The following CEP19 variants were observed in gnomAD, a reference collection of about 807,000 sequenced individuals.
CEP19 encodes centrosomal protein 19.
Under a neutral mutation model 17.5 loss-of-function variants are expected in CEP19, and 14 were observed. That is an observed-to-expected ratio of 0.80 (90% confidence interval 0.53 to 1.25). The LOEUF is 1.25. Among genes scored for constraint, CEP19 ranks in the 50% most tolerant of loss-of-function variants. The pLI, the probability that CEP19 is intolerant of heterozygous loss-of-function variation, is 0.00. For synonymous variants in CEP19, 59 were observed against 65.5 expected (o/e 0.90, Z 0.48); for missense variants, 193 against 192.0 (o/e 1.01, Z -0.03).
In CEP19 at chr3:196,712,129, C is replaced by A. The variant is rs1269735143; in HGVS notation, c.-271G>T. On this transcript the variant is annotated 5_prime_UTR_variant, in exon 1 of 3. Transcript: ENST00000409690. ...TGAACTCCCCGGCGGGAGGCCCGAA[C>A]CCTCAAACACCGGGAAGCGGAGGTG... is the stretch of plus-strand genomic sequence containing the variant. 7 of 592,140 alleles carry A rather than the reference C, an allele frequency of 1.2e-5. No homozygotes were observed. Among genetic ancestry groups the A allele is most frequent in the Admixed American group, 8.5e-5 (3 of 35,374 alleles). 36.7% of individuals were successfully genotyped at this position (592,140 alleles called of 1,614,324 possible).
At chr3:196,711,784 C>T (rs891954525) in intron 1 of CEP19, 145 bp downstream of exon 1, 1 of 647,474 alleles carries the variant, frequency 1.5e-6, no homozygotes, top group Non-Finnish European at 2.9e-6. Context: ...TCTTCCTGGA[C>T]ACGAATACTC....
In CEP19 at chr3:196,706,775, C is replaced by T. The variant is rs1711530848; in HGVS notation, c.*776G>A. ...ATTGTTTCTTGTCCCTTTACTACTT[C>T]CCCTCTCCTTCTTTTCAGTTGCTCT... On this transcript the variant is annotated 3_prime_UTR_variant, in exon 3 of 3. Coordinates refer to ENST00000409690, the MANE Select transcript of CEP19 (RefSeq NM_032898.5). The T allele has an allele frequency of 7.3e-6, 1 of 136,188 alleles. No homozygotes were observed. Among genetic ancestry groups the T allele is most frequent in the Non-Finnish European group, 1.7e-5 (1 of 60,390 alleles). The allele number at this position is 136,188 out of a possible 1,614,324, so 8.4% of individuals were successfully genotyped here.
chr3:196,706,844 C>G lies in CEP19; in HGVS notation c.*707G>C, dbSNP rs1212052940. The G allele has an allele frequency of 1.3e-5, 2 of 152,164 alleles. No individual in the cohort carries two copies. The highest frequency in any genetic ancestry group is 2.9e-5 in the Non-Finnish European group (2 of 68,042). 9.4% of individuals were successfully genotyped at this position (152,164 alleles called of 1,614,324 possible). On this transcript the variant is annotated 3_prime_UTR_variant, in exon 3 of 3. Coordinates refer to ENST00000409690, the MANE Select transcript of CEP19 (RefSeq NM_032898.5). The stretch of plus-strand genomic sequence containing the variant: ...AGCATCTACCTAAACACTACTATTT[C>G]AAGGGCCAGGCCACCTCCTATCTCT...
chr3:196,709,994 A>C (rs1222095792), intron 1 of CEP19, among the ~76,000 whole-genome samples: 2 of 152,150 alleles, frequency 1.3e-5, no homozygotes, highest in African/African-American at 2.4e-5. Context: ...GAGAGGGGAA[A>C]CCTATAGAAA....
At chr3:196,708,957 A>G (rs2108663896) in intron 1 of CEP19, 1 of 271,298 alleles carries the variant, frequency 3.7e-6, no homozygotes, top group Non-Finnish European at 6.9e-6. Context: ...GTGCGCGGGA[A>G]CGACCACAAA....
intron 2 of CEP19, 103 bp downstream of exon 2, chr3:196,708,425 A>G: frequency 9.7e-7 from 1 of 1,033,018 alleles, no homozygotes; most frequent in Non-Finnish European, 1.5e-6. Context: ...ACTGAGAGTA[A>G]GTAATTCATC....
Position 196,707,379 on chromosome 3 carries a change from ACTC to A in CEP19, c.*169_*171del. 3.0e-6 allele frequency: 2 copies of A among 677,922 alleles called. No individual in the cohort carries two copies. The highest frequency in any genetic ancestry group is 4.9e-6 in the Non-Finnish European group (2 of 410,390). 42.0% of individuals were successfully genotyped at this position (677,922 alleles called of 1,614,324 possible). ...GATTCCTTTATTCTGTTTTTCCCATACTCCTCATGCACCTACATAGTAGATGCT... is the reference window on the plus strand; with the variant it reads ...GATTCCTTTATTCTGTTTTTCCCATACTCATGCACCTACATAGTAGATGCT... On this transcript the variant is annotated 3_prime_UTR_variant, in exon 3 of 3. Transcript: ENST00000409690.
chr3:196,711,181 AAAAT>A (rs1711756406), intron 1 of CEP19, among the ~76,000 whole-genome samples: 1 of 152,156 alleles, frequency 6.6e-6, no homozygotes, highest in African/African-American at 2.4e-5. Context: ...TTTGGAATAT[AAAAT>A]AATTCTATGA....
In CEP19 at chr3:196,711,990, T is replaced by G. The variant is rs1241055586; in HGVS notation, c.-132A>C. On this transcript the variant is annotated 5_prime_UTR_variant, in exon 1 of 3. Coordinates refer to ENST00000409690, the MANE Select transcript of CEP19 (RefSeq NM_032898.5). Reference sequence around the variant, plus strand: ...CAACGTCTAAACAACCAGGAGTGGGTTTTTCCACCCAACCGCAGTGCACGC... The same window carrying G: ...CAACGTCTAAACAACCAGGAGTGGGGTTTTCCACCCAACCGCAGTGCACGC... 4.2e-6 allele frequency: 3 copies of G among 716,892 alleles called. No individual in the cohort carries two copies. Among genetic ancestry groups the G allele is most frequent in the African/African-American group, 1.7e-5 (1 of 57,190 alleles). The allele number at this position is 716,892 out of a possible 1,614,324, so 44.4% of individuals were successfully genotyped here. A position where few individuals can be genotyped will look rare whatever the true frequency, so the allele number is the denominator to read the frequency against.
Position 196,707,414 on chromosome 3 carries a change from G to T in CEP19, c.*137C>A. Reference sequence around the variant, plus strand: ...CACCTACATAGTAGATGCTTTAAATGTCCTGGTTTTGAAAAGTAACATGGT... The same window carrying T: ...CACCTACATAGTAGATGCTTTAAATTTCCTGGTTTTGAAAAGTAACATGGT... On this transcript the variant is annotated 3_prime_UTR_variant, in exon 3 of 3. Coordinates refer to ENST00000409690, the MANE Select transcript of CEP19 (RefSeq NM_032898.5). 1 of 917,324 alleles carries T rather than the reference G, an allele frequency of 1.1e-6. No homozygotes were observed. The highest frequency in any genetic ancestry group is 1.6e-6 in the Non-Finnish European group (1 of 608,586). The allele number at this position is 917,324 out of a possible 1,614,324, so 56.8% of individuals were successfully genotyped here.
At chr3:196,711,858 C>T (rs1711806682) in intron 1 of CEP19, 71 bp downstream of exon 1, 1 of 716,350 alleles carries the variant, frequency 1.4e-6, no homozygotes, top group Non-Finnish European at 2.6e-6. Flanking sequence ...CCTAAGGGTA[C>T]GAATGTCCCC....
At chr3:196,711,503 T>A (rs111371675) in intron 1 of CEP19, among the ~76,000 whole-genome samples, 3 of 152,300 alleles carry the variant, frequency 2.0e-5, no homozygotes, top group African/African-American at 7.2e-5. Flanking sequence ...TCTTTGTATT[T>A]TCAGTAGAGA....
chr3:196,710,272 G>A (rs376594233), intron 1 of CEP19, among the ~76,000 whole-genome samples: 1 of 152,110 alleles, frequency 6.6e-6, no homozygotes, highest in South Asian at 2.1e-4. Context: ...TATAAGCCCA[G>A]GCACAGTGGC....
chr3:196,707,212 G>A lies in CEP19; in HGVS notation c.*339C>T, dbSNP rs1053945255. ...CGCCTGGCTAATTTTTGTATTTTTA[G>A]TAGAGGCGAGGTTTCACCATGTTGG... On this transcript the variant is annotated 3_prime_UTR_variant, in exon 3 of 3. Transcript: ENST00000409690. The A allele has an allele frequency of 1.4e-4, 26 of 184,316 alleles. No homozygotes were observed. The highest frequency in any genetic ancestry group is 2.8e-4 in the Non-Finnish European group (25 of 88,874). 11.4% of individuals were successfully genotyped at this position (184,316 alleles called of 1,614,324 possible).
At chr3:196,709,370 C>T (rs1356624127) in intron 1 of CEP19, among the ~76,000 whole-genome samples, 1 of 152,086 alleles carries the variant, frequency 6.6e-6, no homozygotes, top group Non-Finnish European at 1.5e-5. Flanking sequence ...TCTATCTTCC[C>T]TTCTAGTCAA....
At chr3:196,707,952 C>G in intron 2 of CEP19, 40 bp from the exon 3 acceptor site, 1 of 1,572,598 alleles carries the variant, frequency 6.4e-7, no homozygotes, top group South Asian at 1.2e-5. Flanking sequence ...ATACGTACCA[C>G]GTACATCATA....
Position 196,707,495 on chromosome 3 carries a change from T to A in CEP19, c.*56A>T, listed in dbSNP as rs1711563834. The A allele has an allele frequency of 1.9e-6, 2 of 1,059,434 alleles. No homozygotes were observed. The highest frequency in any genetic ancestry group is 2.9e-5 in the South Asian group (2 of 68,984). The allele number at this position is 1,059,434 out of a possible 1,614,324, so 65.6% of individuals were successfully genotyped here. A position where few individuals can be genotyped will look rare whatever the true frequency, so the allele number is the denominator to read the frequency against. On this transcript the variant is annotated 3_prime_UTR_variant, in exon 3 of 3. Transcript: ENST00000409690. The stretch of plus-strand genomic sequence containing the variant: ...TCTTTACAGCTTCTTCCAGAACCAG[T>A]CTGGTAATAAACATGGATATTCTGC...
rs1577664024 is a variant in CEP19, at chr3:196,712,066, G to A, written c.-208C>T. 7.1e-6 allele frequency: 5 copies of A among 706,644 alleles called. 1 individual carries two copies. The South Asian group carries it at 7.6e-5, about 11-fold the overall frequency. 43.8% of individuals were successfully genotyped at this position (706,644 alleles called of 1,614,324 possible). A position where few individuals can be genotyped will look rare whatever the true frequency, so the allele number is the denominator to read the frequency against. On this transcript the variant is annotated 5_prime_UTR_variant, in exon 1 of 3. Transcript: ENST00000409690. ...CGGGCGGAGCCTGGCGCTGCAGGAA[G>A]AGGCGACAGCCACAGCCCTACTGAC...
At chr3:196,708,446 C>T (rs1216552089) in intron 2 of CEP19, 82 bp downstream of exon 2, 8 of 1,271,134 alleles carry the variant, frequency 6.3e-6, no homozygotes, top group African/African-American at 4.8e-5. Flanking sequence ...CAGTGTCACA[C>T]ATCCAGTCCC....
Sources: allele counts gnomAD v4.1 joint callset (sites outside exome capture counted in the v4.1 genomes callset), GRCh38; gene constraint gnomAD v4.1.1; transcripts MANE v1.5; gene names NCBI Gene and HGNC (gene_info 2026-07-23, HGNC 2026-07-21).